Variants in LTBP1 observed in about 807,000 individuals in gnomAD.
LTBP1 encodes the protein latent transforming growth factor beta binding protein 1.
In LTBP1, 129 loss-of-function variants were observed where a neutral mutation model predicts 207.6. The ratio of observed to expected loss-of-function variants is 0.62; its 90% CI spans 0.54 to 0.72. LTBP1 has a LOEUF of 0.72. Among genes scored for constraint, LTBP1 ranks in the 30% least tolerant of loss-of-function variants. The probability of loss-of-function intolerance (pLI) is 0.00; values close to 1 mark genes in which losing one functional copy is unlikely to be tolerated. For missense variants in LTBP1, 2,281 were observed against 2,217.2 expected, an observed-to-expected ratio of 1.03 and a Z score of -0.58; for synonymous variants, 963 against 833.7, an observed-to-expected ratio of 1.16 and a Z score of -2.67.
At chr2:33,101,609 C>T (rs988709444) in intron 3 of LTBP1, among the ~76,000 whole-genome samples, 2 of 152,182 alleles carry the variant, frequency 1.3e-5, no homozygotes, top group East Asian at 1.9e-4. Flanking sequence ...TAAAAAGTCT[C>T]GTGATTGGCA....
chr2:33,333,688 A>G (rs2094522735), intron 24 of LTBP1, among the ~76,000 whole-genome samples: 1 of 152,198 alleles, frequency 6.6e-6, no homozygotes, highest in African/African-American at 2.4e-5. Context: ...AGTTGGTTAT[A>G]TTAAATTAGA....
At position 33,301,262 on chromosome 2, in the gene LTBP1, C is replaced by T. The variant is rs113162822; in HGVS notation, c.3359-260C>T. 1.4e-4 allele frequency among the ~76,000 whole-genome samples: 22 copies of T among 152,224 alleles called. 1 individual carries two copies. The highest frequency in any genetic ancestry group is 5.1e-4 in the African/African-American group (21 of 41,534). On this transcript the variant is annotated intron_variant, in intron 21 of 33. Transcript: ENST00000404816. ...GTCCAGAGTTCTTGAGAGGAAACGCCATTTCTTATTTAAGAACAGAATCCA... is the reference window on the plus strand; with the variant it reads ...GTCCAGAGTTCTTGAGAGGAAACGCTATTTCTTATTTAAGAACAGAATCCA...
chr2:33,090,957 C>A (rs2079051317), intron 3 of LTBP1, among the ~76,000 whole-genome samples: 1 of 152,154 alleles, frequency 6.6e-6, no homozygotes, highest in African/African-American at 2.4e-5. Flanking sequence ...TAATGCATGA[C>A]CTGAGAGGAT....
At chr2:33,390,434 T>A (rs1455511016) in intron 32 of LTBP1, among the ~76,000 whole-genome samples, 1 of 152,054 alleles carries the variant, frequency 6.6e-6, no homozygotes, top group Non-Finnish European at 1.5e-5. Flanking sequence ...AAACGCCCAT[T>A]TTGAGAGCCT....
chr2:33,005,418 A>G (rs1221196558), intron 2 of LTBP1, among the ~76,000 whole-genome samples: 1 of 151,934 alleles, frequency 6.6e-6, no homozygotes, highest in African/African-American at 2.4e-5. Context: ...ACCTTTCCAC[A>G]TGGTTGCTTG....
chr2:33,105,519 C>T (rs563805127), intron 3 of LTBP1, among the ~76,000 whole-genome samples: 2 of 152,036 alleles, frequency 1.3e-5, no homozygotes, highest in South Asian at 2.1e-4. Flanking sequence ...TCATTGCAAC[C>T]TCCACCTCCT....
intron 5 of LTBP1, among the ~76,000 whole-genome samples, chr2:33,149,121 A>G (rs975352166): frequency 1.5e-3 from 230 of 151,186 alleles, no homozygotes; most frequent in Non-Finnish European, 2.6e-3. Flanking sequence ...AGGCTGAGGC[A>G]GGAGAATGGC....
chr2:33,009,127 C>A (rs1009308618), intron 2 of LTBP1, among the ~76,000 whole-genome samples: 2 of 152,140 alleles, frequency 1.3e-5, no homozygotes, highest in African/African-American at 4.8e-5. Flanking sequence ...CAGATTCCTT[C>A]TGGTTGCTCT....
intron 5 of LTBP1, among the ~76,000 whole-genome samples, chr2:33,164,194 C>A (rs764019279): frequency 3.3e-5 from 5 of 150,966 alleles, no homozygotes; most frequent in South Asian, 2.1e-4. Flanking sequence ...ACTAAAAATA[C>A]AAAAATTAGC....
intron 9 of LTBP1, among the ~76,000 whole-genome samples, chr2:33,228,483 AT>A (rs2091579283): frequency 6.6e-6 from 1 of 152,098 alleles, no homozygotes; most frequent in Admixed American, 6.5e-5. Context: ...AACTTATGCT[AT>A]CAACCGTCTT....
intron 31 of LTBP1, among the ~76,000 whole-genome samples, chr2:33,382,965 T>C (rs2095232983): frequency 6.6e-6 from 1 of 152,036 alleles, no homozygotes; most frequent in Non-Finnish European, 1.5e-5. Context: ...CCCAAGGAGG[T>C]CTCTCTTCCA....
At chr2:33,012,148 C>T (rs536110562) in intron 2 of LTBP1, among the ~76,000 whole-genome samples, 1 of 152,330 alleles carries the variant, frequency 6.6e-6, no homozygotes, top group South Asian at 2.1e-4. Context: ...GTTTCCAGTT[C>T]TAGCCACAGG....
Position 33,275,782 on chromosome 2 carries a change from T to A in LTBP1, c.2870-19T>A. 1 of 1,613,868 alleles carries A rather than the reference T, an allele frequency of 6.2e-7. No individual in the cohort carries two copies. Among genetic ancestry groups the A allele is most frequent in the Non-Finnish European group, 8.5e-7 (1 of 1,179,786 alleles). On this transcript the variant is annotated intron_variant, in intron 17 of 33. Transcript: ENST00000404816. The stretch of plus-strand genomic sequence containing the variant: ...GTATTTGGAACACAAAACTCAACAA[T>A]GCTATCTGCTCTTCGTAGATGTTGA...
chr2:33,288,709 G>C (rs1245698524), intron 19 of LTBP1, among the ~76,000 whole-genome samples: 2 of 151,962 alleles, frequency 1.3e-5, no homozygotes, highest in Non-Finnish European at 2.9e-5. Context: ...CAAAAAATTA[G>C]CCAGGTGTGC....
At chr2:33,327,911 G>A (rs2094447353) in intron 24 of LTBP1, among the ~76,000 whole-genome samples, 1 of 151,886 alleles carries the variant, frequency 6.6e-6, no homozygotes, top group South Asian at 2.1e-4. Flanking sequence ...GGCTGAGGTG[G>A]GTGGATCCGA....
chr2:33,133,223 G>A (rs1318658312), intron 4 of LTBP1, among the ~76,000 whole-genome samples: 2 of 152,144 alleles, frequency 1.3e-5, no homozygotes, highest in African/African-American at 4.8e-5. Context: ...GTTTTAATTT[G>A]TTGAGGGTCT....
At chr2:32,958,939 A>T (rs1471087689) in intron 2 of LTBP1, among the ~76,000 whole-genome samples, 1 of 152,216 alleles carries the variant, frequency 6.6e-6, no homozygotes, top group African/African-American at 2.4e-5. Flanking sequence ...GTTCAACATC[A>T]TCATCTGATA....
intron 3 of LTBP1, among the ~76,000 whole-genome samples, chr2:33,052,739 C>T (rs1435691952): frequency 6.6e-6 from 1 of 152,216 alleles, no homozygotes; most frequent in East Asian, 1.9e-4. Flanking sequence ...TTTATTTAAT[C>T]GTTTAGTTGT....
chr2:33,291,066 G>A (rs1330609965), intron 19 of LTBP1, among the ~76,000 whole-genome samples: 1 of 152,152 alleles, frequency 6.6e-6, no homozygotes, highest in East Asian at 1.9e-4. Flanking sequence ...TGTACTTTCA[G>A]TTCAAACTGT....
Sources: gnomAD v4.1 joint callset for allele counts (sites outside exome capture counted in the v4.1 genomes callset) on GRCh38, gnomAD v4.1.1 for gene constraint, MANE v1.5 for transcripts, NCBI Gene and HGNC (gene_info 2026-07-23, HGNC 2026-07-21) for gene names.